Variants in PTPRD observed in about 807,000 individuals in gnomAD.
PTPRD encodes receptor-type tyrosine-protein phosphatase delta.
PTPRD carries 34 observed loss-of-function variants against 214.5 expected under a neutral mutation model. The ratio of observed to expected loss-of-function variants is 0.16; its 90% CI spans 0.12 to 0.21. The LOEUF (loss-of-function observed/expected upper bound fraction) is 0.21. Among genes scored for constraint, PTPRD ranks in the 10% least tolerant of loss-of-function variants. The probability of loss-of-function intolerance (pLI) is 1.00; values close to 1 mark genes in which losing one functional copy is unlikely to be tolerated. For synonymous variants in PTPRD, 1,128 were observed against 845.7 expected (o/e 1.33, Z -5.79); for missense variants, 2,545 against 2,398.7 (o/e 1.06, Z -1.27).
At chr9:9,512,510 T>C (rs1380206213) in intron 8 of PTPRD, among the ~76,000 whole-genome samples, 1 of 151,914 alleles carries the variant, frequency 6.6e-6, no homozygotes, top group Non-Finnish European at 1.5e-5. Context: ...AGAGAATATG[T>C]AAGGCATTTC....
At chr9:9,304,415 T>C (rs931409038) in intron 9 of PTPRD, among the ~76,000 whole-genome samples, 3 of 152,122 alleles carry the variant, frequency 2.0e-5, no homozygotes, top group Non-Finnish European at 2.9e-5. Context: ...TCTTTTTTAA[T>C]CTTTGTGCAT....
chr9:9,947,541 A>AAT (rs1422295989), intron 4 of PTPRD, among the ~76,000 whole-genome samples: 1 of 25,674 alleles, frequency 3.9e-5, no homozygotes, highest in Non-Finnish European at 5.8e-5. Flanking sequence ...TTTTATATAT[A>AAT]ATATATATAT....
intron 7 of PTPRD, among the ~76,000 whole-genome samples, chr9:9,657,542 T>A (rs1374886100): frequency 6.6e-6 from 1 of 152,094 alleles, no homozygotes; most frequent in African/African-American, 2.4e-5. Context: ...ATGGCACAGG[T>A]ATACCTATGT....
chr9:9,657,704 A>G lies in PTPRD; in HGVS notation c.-287+76829T>C, dbSNP rs1012395147. ...TTATTATTGGCAGAATTTTTTTAAAAGAATACAAGATTGAAGAAATATAAA... is the reference window on the plus strand; with the variant it reads ...TTATTATTGGCAGAATTTTTTTAAAGGAATACAAGATTGAAGAAATATAAA... On this transcript the variant is annotated intron_variant, in intron 7 of 45. Coordinates refer to ENST00000381196, the MANE Select transcript of PTPRD (RefSeq NM_002839.4). 7.2e-5 allele frequency among the ~76,000 whole-genome samples: 11 copies of G among 152,240 alleles called. 1 individual carries two copies. Among genetic ancestry groups the G allele is most frequent in the Non-Finnish European group, 1.5e-5 (1 of 68,046 alleles).
chr9:8,749,126 C>A (rs1223453445), intron 11 of PTPRD, among the ~76,000 whole-genome samples: 1 of 151,974 alleles, frequency 6.6e-6, no homozygotes, highest in Non-Finnish European at 1.5e-5. Context: ...TAATTCTTTT[C>A]CTAGGCCATA....
chr9:9,659,130 C>G (rs1000162876), intron 7 of PTPRD, among the ~76,000 whole-genome samples: 1 of 151,986 alleles, frequency 6.6e-6, no homozygotes, highest in Non-Finnish European at 1.5e-5. Context: ...GATCACTAAA[C>G]TATATATTAG....
chr9:9,823,926 T>A (rs890146662), intron 5 of PTPRD, among the ~76,000 whole-genome samples: 1 of 152,096 alleles, frequency 6.6e-6, no homozygotes, highest in Non-Finnish European at 1.5e-5. Context: ...ATCTCAATTA[T>A]GTTGATTTGA....
intron 3 of PTPRD, among the ~76,000 whole-genome samples, chr9:10,206,711 T>A (rs953939296): frequency 2.0e-5 from 3 of 152,198 alleles, no homozygotes; most frequent in Admixed American, 1.3e-4. Flanking sequence ...TTGTGATATC[T>A]AGATGGTGTT....
chr9:9,659,444 G>A (rs1055838872), intron 7 of PTPRD, among the ~76,000 whole-genome samples: 23 of 151,942 alleles, frequency 1.5e-4, no homozygotes, highest in Non-Finnish European at 2.6e-4. Context: ...TTATTATACT[G>A]GGGGCTTTTG....
In PTPRD at chr9:8,929,781, G is replaced by GTATATATA. The variant is rs1567061797; in HGVS notation, c.-104+88915_-104+88916insTATATATA. Among the ~76,000 whole-genome samples the GTATATATA allele has an allele frequency of 7.8e-3, 310 of 39,926 alleles. 27 individuals carry two copies. The highest frequency in any genetic ancestry group is 0.025 in the African/African-American group (270 of 10,768). 26.2% of individuals were successfully genotyped at this position (39,926 alleles called of 152,430 possible). ...TGTATATATATGTGTATATATATGG[G>GTATATATA]TGTGTATATATGTGTGTGTATATAT... On this transcript the variant is annotated intron_variant, in intron 11 of 45. Transcript: ENST00000381196.
At chr9:10,305,145 G>C (rs564687255) in intron 3 of PTPRD, among the ~76,000 whole-genome samples, 8 of 152,018 alleles carry the variant, frequency 5.3e-5, no homozygotes, top group Non-Finnish European at 8.8e-5. Context: ...ACAAAAACAA[G>C]CAATGGGGAA....
intron 11 of PTPRD, among the ~76,000 whole-genome samples, chr9:8,939,950 C>G (rs1295302628): frequency 6.6e-6 from 1 of 151,470 alleles, no homozygotes; most frequent in Non-Finnish European, 1.5e-5. Context: ...TTTTTGGTCT[C>G]TTTAAACTCA....
intron 3 of PTPRD, among the ~76,000 whole-genome samples, chr9:10,036,476 TAGC>T (rs749428952): frequency 2.0e-5 from 3 of 148,608 alleles, no homozygotes; most frequent in Non-Finnish European, 4.4e-5. Context: ...TCAAAACAAA[TAGC>T]AGCAAGGCAC....
At chr9:8,946,612 C>G (rs1046234021) in intron 11 of PTPRD, among the ~76,000 whole-genome samples, 6 of 152,130 alleles carry the variant, frequency 3.9e-5, no homozygotes, top group Non-Finnish European at 8.8e-5. Flanking sequence ...AAGTGGAGTA[C>G]TGCTAATGGG....
chr9:9,767,715 C>A (rs996805715), intron 5 of PTPRD, among the ~76,000 whole-genome samples: 1 of 152,042 alleles, frequency 6.6e-6, no homozygotes, highest in Non-Finnish European at 1.5e-5. Flanking sequence ...ATCTCTACCA[C>A]TATTTTGGAG....
chr9:10,249,889 A>T (rs190475036), intron 3 of PTPRD, among the ~76,000 whole-genome samples: 1 of 152,290 alleles, frequency 6.6e-6, no homozygotes, highest in East Asian at 1.9e-4. Context: ...TGAAAAAAAT[A>T]AAATAAATAA....
chr9:8,709,526 AAAAAAG>A (rs1005312749), intron 12 of PTPRD, among the ~76,000 whole-genome samples: 117 of 150,664 alleles, frequency 7.8e-4, no homozygotes, highest in Middle Eastern at 3.6e-3. Flanking sequence ...AAAAAAAAAA[AAAAAAG>A]AAAAAGAAAA....
intron 10 of PTPRD, among the ~76,000 whole-genome samples, chr9:9,092,311 G>T (rs967414068): frequency 6.6e-6 from 1 of 152,064 alleles, no homozygotes; most frequent in African/African-American, 2.4e-5. Context: ...TCCTGGTACT[G>T]ATTTCTATAC....
At chr9:9,635,585 G>C (rs922588850) in intron 7 of PTPRD, among the ~76,000 whole-genome samples, 14 of 152,132 alleles carry the variant, frequency 9.2e-5, no homozygotes, top group Non-Finnish European at 2.1e-4. Context: ...ACCATTGACA[G>C]ATTTAAGGAA....
Sources: gnomAD v4.1 joint callset for allele counts (sites outside exome capture counted in the v4.1 genomes callset) on GRCh38, gnomAD v4.1.1 for gene constraint, MANE v1.5 for transcripts, NCBI Gene and HGNC (gene_info 2026-07-23, HGNC 2026-07-21) for gene names.